The following PATJ variants were observed in gnomAD, a reference collection of about 807,000 sequenced individuals.
PATJ encodes inaD-like protein.
A neutral mutation model predicts 224.9 loss-of-function variants in PATJ; 190 were observed. The ratio of observed to expected loss-of-function variants is 0.84; its 90% CI spans 0.75 to 0.95. The LOEUF (loss-of-function observed/expected upper bound fraction) is 0.95. Ranked by LOEUF, PATJ falls within the 40% of genes least tolerant of loss-of-function variation. PATJ has a pLI of 0.00. For missense variants in PATJ, 2,121 were observed against 2,270.3 expected (o/e 0.93, Z 1.34); for synonymous variants, 769 against 820.3 (o/e 0.94, Z 1.07).
intron 26 of PATJ, among the ~76,000 whole-genome samples, chr1:61,920,822 G>A (rs1571298895): frequency 1.4e-5 from 2 of 147,350 alleles, no homozygotes; most frequent in South Asian, 2.1e-4. Context: ...TTCTCCTGCT[G>A]CAGCCTCCTG....
chr1:61,804,938 C>CT (rs1653223804), intron 12 of PATJ, among the ~76,000 whole-genome samples: 1 of 152,182 alleles, frequency 6.6e-6, no homozygotes, highest in Non-Finnish European at 1.5e-5. Flanking sequence ...GCCTTTATAG[C>CT]TACCCATGTG....
intron 31 of PATJ, among the ~76,000 whole-genome samples, chr1:62,066,408 G>A (rs141979679): frequency 2.7e-5 from 4 of 150,498 alleles, no homozygotes; most frequent in African/African-American, 4.9e-5. Flanking sequence ...TTTTGAGACA[G>A]GGTCACACTC....
At chr1:61,785,808 A>T (rs1310914604) in intron 7 of PATJ, among the ~76,000 whole-genome samples, 1 of 152,216 alleles carries the variant, frequency 6.6e-6, no homozygotes, top group East Asian at 1.9e-4. Flanking sequence ...TGAAATATAC[A>T]TACATATAAA....
intron 27 of PATJ, among the ~76,000 whole-genome samples, chr1:61,948,951 A>G (rs1378718976): frequency 6.6e-6 from 1 of 152,088 alleles, no homozygotes; most frequent in African/African-American, 2.4e-5. Context: ...ATTCTCAGCA[A>G]ACTATCACAA....
intron 22 of PATJ, among the ~76,000 whole-genome samples, chr1:61,886,145 T>G (rs1668799683): frequency 1.3e-5 from 2 of 151,766 alleles, no homozygotes; most frequent in South Asian, 2.1e-4. Flanking sequence ...AACTGCACAT[T>G]GTGCACATGT....
intron 16 of PATJ, among the ~76,000 whole-genome samples, chr1:61,832,952 G>A (rs988490826): frequency 2.0e-5 from 3 of 152,098 alleles, no homozygotes; most frequent in African/African-American, 4.8e-5. Flanking sequence ...AAAAAGACAG[G>A]GAGTCTAGAA....
intron 22 of PATJ, among the ~76,000 whole-genome samples, chr1:61,895,499 A>G (rs1016089948): frequency 2.6e-5 from 4 of 152,238 alleles, no homozygotes; most frequent in Non-Finnish European, 5.9e-5. Context: ...GCGCCAAGGT[A>G]CAGCTCAGGC....
At chr1:62,123,779 A>T (rs1454099459) in intron 39 of PATJ, among the ~76,000 whole-genome samples, 1 of 116,776 alleles carries the variant, frequency 8.6e-6, no homozygotes, top group Non-Finnish European at 1.7e-5. Flanking sequence ...GCCCGGCCAA[A>T]TGTGCTATAA....
intron 26 of PATJ, among the ~76,000 whole-genome samples, chr1:61,927,519 T>C (rs1675382876): frequency 6.6e-6 from 1 of 152,218 alleles, no homozygotes; most frequent in South Asian, 2.1e-4. Flanking sequence ...TTCCTGTTTT[T>C]CTGCATTAGT....
chr1:61,984,855 G>A (rs6699365), intron 27 of PATJ, among the ~76,000 whole-genome samples: 4,722 of 151,982 alleles, frequency 0.031, 303 homozygotes, highest in African/African-American at 0.11. Flanking sequence ...AGTCATATGC[G>A]TGCTTGTCTC....
chr1:61,753,613 G>A (rs1270269708), intron 1 of PATJ, among the ~76,000 whole-genome samples: 1 of 151,562 alleles, frequency 6.6e-6, no homozygotes, highest in Non-Finnish European at 1.5e-5. Flanking sequence ...GGGTTCAAGC[G>A]ATTCTCCTGC....
rs761338467 is a variant in PATJ at position 61,801,638 on chromosome 1, C to T, written c.1418C>T (p.Pro473Leu). 42 of 1,580,286 alleles carry T rather than the reference C, an allele frequency of 2.7e-5. No homozygotes were observed. The highest frequency in any genetic ancestry group is 8.2e-5 in the South Asian group (7 of 85,266). ...PPSDRGTVVEPLKPPALFLTG... is the reference protein window; with the variant it reads ...PPSDRGTVVELLKPPALFLTG... ...TTTGTTTTAGGAACTGTTGTAGAAC[C>T]ACTGAAACCACCAGCTCTCTTTCTA... Residue 473 changes from proline to leucine, a missense_variant, in exon 12 of 44, where the codon CCA (proline) becomes CTA (leucine). Transcript: ENST00000642238.
intron 41 of PATJ, among the ~76,000 whole-genome samples, chr1:62,144,307 G>C (rs1455377219): frequency 4.6e-5 from 7 of 152,116 alleles, no homozygotes; most frequent in Non-Finnish European, 5.9e-5. Context: ...GGACATAGCA[G>C]TGTTTTCCCC....
intron 17 of PATJ, among the ~76,000 whole-genome samples, chr1:61,846,742 G>A (rs547027830): frequency 2.2e-4 from 34 of 152,240 alleles, no homozygotes; most frequent in African/African-American, 7.9e-4. Flanking sequence ...GATTACAGGT[G>A]CGCACCACCA....
intron 6 of PATJ, among the ~76,000 whole-genome samples, chr1:61,773,801 A>G (rs533045129): frequency 9.5e-4 from 142 of 150,162 alleles, no homozygotes; most frequent in African/African-American, 3.4e-3. Context: ...CAAAAAACAA[A>G]AAACAAAAAA....
intron 28 of PATJ, among the ~76,000 whole-genome samples, chr1:62,001,676 T>C (rs953655777): frequency 1.3e-5 from 2 of 152,018 alleles, no homozygotes; most frequent in African/African-American, 4.8e-5. Context: ...GGCTCTTTTT[T>C]GGTTCCATAT....
rs531428210 is a variant in PATJ at position 62,133,448 on chromosome 1, G to C, written c.5271+4503G>C. 2.0e-5 allele frequency among the ~76,000 whole-genome samples: 3 copies of C among 152,196 alleles called. No individual in the cohort carries two copies. In the South Asian group the frequency reaches 6.2e-4, roughly 32 times the overall value. On this transcript the variant is annotated intron_variant, in intron 41 of 43. Transcript: ENST00000642238. The stretch of plus-strand genomic sequence containing the variant: ...AATACAAAAATTAGCCGGGTGTGTT[G>C]GCACATGCCTGTAGTCCCAGCTACT...
At chr1:61,994,843 C>T (rs1292411052) in intron 28 of PATJ, among the ~76,000 whole-genome samples, 1 of 152,156 alleles carries the variant, frequency 6.6e-6, no homozygotes, top group East Asian at 1.9e-4. Flanking sequence ...GGTGAGCCAC[C>T]ATGCCCAGCC....
intron 31 of PATJ, chr1:62,073,434 C>T (rs1657773304): frequency 4.4e-6 from 2 of 456,034 alleles, no homozygotes; most frequent in African/African-American, 2.1e-5. Flanking sequence ...ACCAGACTGG[C>T]CAACATAGCA....
Sources: allele counts gnomAD v4.1 joint callset (sites outside exome capture counted in the v4.1 genomes callset), GRCh38; gene constraint gnomAD v4.1.1; transcripts MANE v1.5; gene names NCBI Gene and HGNC (gene_info 2026-07-23, HGNC 2026-07-21).